The following EPAS1 variants were observed in gnomAD, a reference collection of about 807,000 sequenced individuals.
The protein encoded by EPAS1 is endothelial PAS domain protein 1, also known as endothelial PAS domain-containing protein 1.
In EPAS1, 23 loss-of-function variants were observed where a neutral mutation model predicts 87.9. The observed-to-expected ratio is 0.26, with a 90% CI of 0.19 to 0.37. EPAS1 has a LOEUF of 0.37. Ranked by LOEUF, EPAS1 falls within the 10% of genes least tolerant of loss-of-function variation. The pLI is 1.00. For synonymous variants in EPAS1, 508 were observed against 444.3 expected, an observed-to-expected ratio of 1.14 and a Z score of -1.80; for missense variants, 1,138 against 1,120.7, an observed-to-expected ratio of 1.02 and a Z score of -0.22.
Position 46,384,993 on chromosome 2 carries a change from T to TAACA in EPAS1, c.*335_*338dup, listed in dbSNP as rs1303441662. ...CCTTCTCACACACAACTGTCCATACTAACAAGTTTGGTGCATGTCTGTTCT... is the reference window on the plus strand; with the variant it reads ...CCTTCTCACACACAACTGTCCATACTAACAAACAAGTTTGGTGCATGTCTGTTCT... On this transcript the variant is annotated 3_prime_UTR_variant, in exon 16 of 16. Transcript: ENST00000263734. 3 of 355,776 alleles carry TAACA rather than the reference T, an allele frequency of 8.4e-6. No homozygotes were observed. Among genetic ancestry groups the TAACA allele is most frequent in the East Asian group, 6.7e-5 (1 of 15,036 alleles). 22.0% of individuals were successfully genotyped at this position (355,776 alleles called of 1,614,324 possible).
chr2:46,306,018 T>A (rs1683103799), intron 1 of EPAS1, among the ~76,000 whole-genome samples: 1 of 152,192 alleles, frequency 6.6e-6, no homozygotes, highest in Non-Finnish European at 1.5e-5. Context: ...GGCCTGTGAC[T>A]AAGGGGAGTC....
rs751652034 is a variant in EPAS1 at position 46,376,742 on chromosome 2, C to T, written c.1238C>T (p.Ser413Phe). ...LAPTPGDAII[S>F]LDFGNQNFEE... ...CCCACCCCAGGAGACGCCATCATCT[C>T]TCTGGATTTCGGTGGGTGCTTCTTA... Residue 413 changes from serine (S) to phenylalanine (F), a missense_variant, in exon 9 of 16, where the codon TCT (serine) becomes TTT (phenylalanine). Physicochemically the swap from Ser to Phe is radical, Grantham distance 155 (BLOSUM62 -2). Coordinates refer to ENST00000263734, the MANE Select transcript of EPAS1 (RefSeq NM_001430.5). The T allele has an allele frequency of 1.9e-6, 3 of 1,612,322 alleles. No individual in the cohort carries two copies. Among genetic ancestry groups the T allele is most frequent in the South Asian group, 1.1e-5 (1 of 91,012 alleles).
At chr2:46,298,270 C>T (rs1682927167) in intron 1 of EPAS1, among the ~76,000 whole-genome samples, 1 of 152,214 alleles carries the variant, frequency 6.6e-6, no homozygotes, top group Non-Finnish European at 1.5e-5. Flanking sequence ...CCGTGGCCAC[C>T]GGCGCTTGGA....
chr2:46,384,577 T>A lies in EPAS1; in HGVS notation c.2530T>A (p.Cys844Ser). 6.2e-7 allele frequency: 1 copy of A among 1,614,180 alleles called. No homozygotes were observed. Among genetic ancestry groups the A allele is most frequent in the South Asian group, 1.1e-5 (1 of 91,084 alleles). ...YLLPELTRYD[C>S]EVNVPVLGSS... ...GCTGCCCGAACTGACCAGATATGACTGTGAGGTGAACGTGCCCGTGCTGGG... is the reference window on the plus strand; with the variant it reads ...GCTGCCCGAACTGACCAGATATGACAGTGAGGTGAACGTGCCCGTGCTGGG... The change falls in exon 16 of 16, where the codon TGT becomes AGT. Residue 844 changes from cysteine (C) to serine (S), a missense_variant. Physicochemically the swap from Cys to Ser is moderately radical, Grantham distance 112. Transcript: ENST00000263734.
intron 1 of EPAS1, among the ~76,000 whole-genome samples, chr2:46,329,043 T>G (rs1398875426): frequency 6.6e-6 from 1 of 152,248 alleles, no homozygotes; most frequent in East Asian, 1.9e-4. Flanking sequence ...ACCTTTGAAC[T>G]TGGCCAAGGA....
intron 1 of EPAS1, among the ~76,000 whole-genome samples, chr2:46,338,579 A>G (rs897047275): frequency 2.6e-5 from 4 of 152,236 alleles, no homozygotes; most frequent in African/African-American, 9.6e-5. Flanking sequence ...GATGGAAAGA[A>G]CACTTTATTT....
intron 1 of EPAS1, among the ~76,000 whole-genome samples, chr2:46,303,030 G>A (rs1295213370): frequency 6.6e-6 from 1 of 152,168 alleles, no homozygotes; most frequent in Non-Finnish European, 1.5e-5. Context: ...CCGAGATCGT[G>A]CCACTGCACT....
intron 1 of EPAS1, among the ~76,000 whole-genome samples, chr2:46,340,216 G>A (rs1683884567): frequency 6.6e-6 from 1 of 151,964 alleles, no homozygotes; most frequent in Admixed American, 6.5e-5. Context: ...AGGCTGCCTG[G>A]GGCTGAGAAG....
At position 46,346,872 on chromosome 2, in the gene EPAS1, G is replaced by C; in HGVS notation, c.27-1G>C. 1.2e-6 allele frequency: 2 copies of C among 1,614,196 alleles called. No individual in the cohort carries two copies. Among genetic ancestry groups the C allele is most frequent in the Non-Finnish European group, 1.7e-6 (2 of 1,180,024 alleles). ...GGACTAACCCCTTCTTCTCCACTTAGGAGTAGCTCGGAGAGGAGGAAGGAG... is the reference window on the plus strand; with the variant it reads ...GGACTAACCCCTTCTTCTCCACTTACGAGTAGCTCGGAGAGGAGGAAGGAG... On this transcript the variant is annotated splice_acceptor_variant, in intron 1 of 15. Transcript: ENST00000263734. LOFTEE classifies it high-confidence loss of function. This position sits in a 1 kb window ranked among gnomAD's most constrained non-coding sequence, Gnocchi z 4.0.
chr2:46,331,769 G>A (rs1268448229), intron 1 of EPAS1, among the ~76,000 whole-genome samples: 1 of 151,774 alleles, frequency 6.6e-6, no homozygotes, highest in Non-Finnish European at 1.5e-5. Context: ...GACTACTCAG[G>A]GAGAGCCACT....
rs1018742263 is a variant in EPAS1, at chr2:46,360,147, A to G, written c.455-491A>G. Reference sequence around the variant, plus strand: ...TTGCAAATGGGGTACAGGAGGGGTTAAATTCCTCCTGAGAGACAGGTTATA... The same window carrying G: ...TTGCAAATGGGGTACAGGAGGGGTTGAATTCCTCCTGAGAGACAGGTTATA... On this transcript the variant is annotated intron_variant, in intron 4 of 15. Transcript: ENST00000263734. This position sits in a 1 kb window ranked among gnomAD's most constrained non-coding sequence, Gnocchi z 4.5. 6.6e-6 allele frequency among the ~76,000 whole-genome samples: 1 copy of G among 152,200 alleles called. No individual in the cohort carries two copies. The highest frequency in any genetic ancestry group is 2.4e-5 in the African/African-American group (1 of 41,452).
chr2:46,324,280 G>T (rs961470196), intron 1 of EPAS1, among the ~76,000 whole-genome samples: 11 of 152,176 alleles, frequency 7.2e-5, no homozygotes, highest in African/African-American at 2.4e-4. Context: ...CGTTAGCCAG[G>T]ATGGTCTCGA....
intron 2 of EPAS1, among the ~76,000 whole-genome samples, chr2:46,350,391 A>G (rs1684124237): frequency 6.6e-6 from 1 of 152,228 alleles, no homozygotes; most frequent in African/African-American, 2.4e-5. Flanking sequence ...CTCTTTACTT[A>G]GTAACACGTT....
At chr2:46,384,126 CTG>C (rs1408421167) in intron 15 of EPAS1, among the ~76,000 whole-genome samples, 2 of 152,184 alleles carry the variant, frequency 1.3e-5, no homozygotes, top group African/African-American at 4.8e-5. Flanking sequence ...TTGAGGCAGT[CTG>C]TGTTTGCATC....
At chr2:46,316,672 A>C (rs1036665014) in intron 1 of EPAS1, among the ~76,000 whole-genome samples, 1 of 152,198 alleles carries the variant, frequency 6.6e-6, no homozygotes, top group East Asian at 1.9e-4. Flanking sequence ...TCTTGCCTCC[A>C]TATCGGTGGC....
Position 46,382,452 on chromosome 2 carries a change from G to T in EPAS1, c.2315G>T (p.Gly772Val), listed in dbSNP as rs1572650676. 1 of 1,614,004 alleles carries T rather than the reference G, an allele frequency of 6.2e-7. No homozygotes were observed. The highest frequency in any genetic ancestry group is 1.3e-5 in the African/African-American group (1 of 74,916). The change falls in exon 15 of 16, where the codon GGC becomes GTC. Residue 772 changes from glycine to valine, a missense_variant. Physicochemically the swap from Gly to Val is moderately radical, Grantham distance 109. Around this residue, in one of 4 missense-constraint regions of EPAS1, gnomAD observed 502 missense variants for 427.1 expected, o/e 1.18. Transcript: ENST00000263734. ...AAGTTCACCCAAAACCCCATGAGGG[G>T]CCTGGGCCATCCCCTGAGACATCTG... ...NDKFTQNPMRGLGHPLRHLPL... is the reference protein window; with the variant it reads ...NDKFTQNPMRVLGHPLRHLPL...
chr2:46,304,858 T>G (rs572916597), intron 1 of EPAS1, among the ~76,000 whole-genome samples: 3 of 152,144 alleles, frequency 2.0e-5, no homozygotes, highest in Non-Finnish European at 2.9e-5. Flanking sequence ...AAGGAAAGAA[T>G]GGATAGGGGG....
chr2:46,379,893 T>C (rs912329302), intron 11 of EPAS1: 22 of 424,476 alleles, frequency 5.2e-5, no homozygotes, highest in Non-Finnish European at 9.3e-5. Flanking sequence ...CAGGCTGGAG[T>C]AGGCAGGGCT....
rs1450936634 is a variant in EPAS1 at position 46,346,867 on chromosome 2, A to T, written c.27-6A>T. The T allele has an allele frequency of 1.2e-6, 2 of 1,613,964 alleles. No individual in the cohort carries two copies. The highest frequency in any genetic ancestry group is 2.2e-5 in the East Asian group (1 of 44,880). Reference sequence around the variant, plus strand: ...TTCCGGGACTAACCCCTTCTTCTCCACTTAGGAGTAGCTCGGAGAGGAGGA... The same window carrying T: ...TTCCGGGACTAACCCCTTCTTCTCCTCTTAGGAGTAGCTCGGAGAGGAGGA... On this transcript the variant is annotated splice_polypyrimidine_tract_variant and splice_region_variant and intron_variant, in intron 1 of 15. Coordinates refer to ENST00000263734, the MANE Select transcript of EPAS1 (RefSeq NM_001430.5). This position sits in a 1 kb window ranked among gnomAD's most constrained non-coding sequence, Gnocchi z 4.0.
Sources: allele counts gnomAD v4.1 joint callset (sites outside exome capture counted in the v4.1 genomes callset), GRCh38; gene constraint gnomAD v4.1.1; regional missense constraint gnomAD v4.1.1; non-coding constraint Gnocchi (gnomAD v3.1); transcripts MANE v1.5; gene names NCBI Gene and HGNC (gene_info 2026-07-23, HGNC 2026-07-21).